ASCC1: variants seen among roughly 807,000 people sequenced by gnomAD.
The protein encoded by ASCC1 is ASC-1 complex subunit P50.
A neutral mutation model predicts 46.6 loss-of-function variants in ASCC1; 35 were observed. That is an observed-to-expected ratio of 0.75 (90% CI 0.57 to 0.99). The LOEUF is 0.99. Ranked by LOEUF, ASCC1 falls within the 50% of genes least tolerant of loss-of-function variation. The probability of loss-of-function intolerance (pLI) is 0.00; values close to 1 mark genes in which losing one functional copy is unlikely to be tolerated. For missense variants in ASCC1, 376 were observed against 428.7 expected, an observed-to-expected ratio of 0.88 and a Z score of 1.09; for synonymous variants, 143 against 146.6, an observed-to-expected ratio of 0.98 and a Z score of 0.18.
chr10:72,202,399 C>T (rs549908692), intron 4 of ASCC1, among the ~76,000 whole-genome samples: 2 of 151,076 alleles, frequency 1.3e-5, no homozygotes, highest in Non-Finnish European at 1.5e-5. Flanking sequence ...ACCTGGGTAG[C>T]GGAGATTGCA....
intron 7 of ASCC1, among the ~76,000 whole-genome samples, chr10:72,137,153 C>T (rs1030901650): frequency 3.3e-5 from 5 of 151,918 alleles, no homozygotes; most frequent in South Asian, 2.1e-4. Flanking sequence ...TGGCCTCAAG[C>T]GACCTTCCCT....
chr10:72,147,378 C>T (rs112500992), intron 7 of ASCC1, among the ~76,000 whole-genome samples: 6,366 of 151,958 alleles, frequency 0.042, 475 homozygotes, highest in African/African-American at 0.14. Flanking sequence ...CTCAGCCTCC[C>T]GAGCAGCTGC....
intron 2 of ASCC1, among the ~76,000 whole-genome samples, chr10:72,211,514 C>T (rs1455651456): frequency 1.3e-5 from 2 of 152,028 alleles, no homozygotes; most frequent in Non-Finnish European, 2.9e-5. Context: ...CATTTGAGCC[C>T]GGGAGGTGAG....
intron 7 of ASCC1, among the ~76,000 whole-genome samples, chr10:72,144,890 G>T (rs1847452825): frequency 6.6e-6 from 1 of 151,952 alleles, no homozygotes; most frequent in African/African-American, 2.4e-5. Context: ...TCTCATACTA[G>T]CCTCCTTATA....
chr10:72,206,048 G>A (rs1857160392), intron 3 of ASCC1, among the ~76,000 whole-genome samples: 1 of 149,918 alleles, frequency 6.7e-6, no homozygotes, highest in Non-Finnish European at 1.5e-5. Context: ...AGGTTGCAGT[G>A]AGCTGAGATT....
intron 1 of ASCC1, chr10:72,215,948 G>A (rs1363446215): frequency 2.6e-5 from 4 of 152,426 alleles, no homozygotes; most frequent in Admixed American, 2.0e-4. Context: ...CTACGCGAGC[G>A]CGTTCTCTGC....
chr10:72,102,294 C>G, intron 9 of ASCC1: 2 of 1,528,370 alleles, frequency 1.3e-6, no homozygotes, highest in Non-Finnish European at 1.8e-6. Flanking sequence ...GGGAAAACAA[C>G]AAGTTCAGGT....
intron 5 of ASCC1, among the ~76,000 whole-genome samples, chr10:72,181,168 G>A (rs896564090): frequency 9.9e-5 from 15 of 152,196 alleles, no homozygotes; most frequent in African/African-American, 3.4e-4. Context: ...GTTTTACCAC[G>A]TTGGCCAGGA....
chr10:72,203,057 G>C (rs1014016828), intron 4 of ASCC1, among the ~76,000 whole-genome samples: 1 of 152,018 alleles, frequency 6.6e-6, no homozygotes, highest in Non-Finnish European at 1.5e-5. Context: ...GAGGCCGAGA[G>C]GGGAGGATCA....
At chr10:72,120,982 A>G (rs1208444982) in intron 9 of ASCC1, among the ~76,000 whole-genome samples, 1 of 152,210 alleles carries the variant, frequency 6.6e-6, no homozygotes, top group Non-Finnish European at 1.5e-5. Flanking sequence ...AACAAATACA[A>G]AACAGTAACA....
chr10:72,181,693 AT>A lies in ASCC1; in HGVS notation c.489+15117del, dbSNP rs758997323. Among the ~76,000 whole-genome samples the A allele has an allele frequency of 1.1e-3, 163 of 149,644 alleles. 3 individuals carry two copies. Among genetic ancestry groups the A allele is most frequent in the African/African-American group, 3.2e-3 (130 of 40,826 alleles). On this transcript the variant is annotated intron_variant, in intron 5 of 9. Transcript: ENST00000672957. ...GTAACTTGTGCACCAATATCAAGTG[AT>A]TTTTTTTTTCTGAGATGGTCTCACT... is the stretch of plus-strand genomic sequence containing the variant.
At chr10:72,164,806 A>T (rs190906802) in intron 5 of ASCC1, among the ~76,000 whole-genome samples, 1 of 152,346 alleles carries the variant, frequency 6.6e-6, no homozygotes, top group African/African-American at 2.4e-5. Context: ...TTTTTAAAAA[A>T]ATGATAGCGA....
intron 8 of ASCC1, among the ~76,000 whole-genome samples, chr10:72,131,282 G>T (rs537371405): frequency 6.6e-6 from 1 of 152,100 alleles, no homozygotes; most frequent in Non-Finnish European, 1.5e-5. Flanking sequence ...AGCTGAGCGC[G>T]GTGGCAGGTG....
At chr10:72,217,073 G>A (rs1265711662), upstream of ASCC1, 3 of 453,928 alleles carry the variant, frequency 6.6e-6, no homozygotes, top group Non-Finnish European at 1.3e-5. Context: ...CGAAATGCTC[G>A]GGACTGGAAG....
intron 7 of ASCC1, among the ~76,000 whole-genome samples, chr10:72,149,657 T>A (rs1355413442): frequency 6.6e-6 from 1 of 152,156 alleles, no homozygotes; most frequent in Non-Finnish European, 1.5e-5. Context: ...TTGTTTCTGT[T>A]CACAAAGTTG....
At chr10:72,173,463 G>C (rs1400559619) in intron 5 of ASCC1, among the ~76,000 whole-genome samples, 1 of 152,090 alleles carries the variant, frequency 6.6e-6, no homozygotes, top group Admixed American at 6.6e-5. Context: ...GCAAGACAAG[G>C]TACAGACAGG....
rs1175994201 is a variant in ASCC1 at position 72,204,467 on chromosome 10, T to C, written c.213-943A>G. The C allele has an allele frequency of 1.9e-6, 3 of 1,550,386 alleles. No individual in the cohort carries two copies. The Admixed American group carries it at 5.9e-5, about 30-fold the overall frequency. On this transcript the variant is annotated intron_variant, in intron 3 of 9. Transcript: ENST00000672957. ...ATTCTGACAATCCAAAGTTATCTTCTGGAACCCACAGTCGTTTGATGTGTT... is the reference window on the plus strand; with the variant it reads ...ATTCTGACAATCCAAAGTTATCTTCCGGAACCCACAGTCGTTTGATGTGTT...
At chr10:72,196,279 CTTT>C (rs573100323) in intron 5 of ASCC1, among the ~76,000 whole-genome samples, 13 of 136,328 alleles carry the variant, frequency 9.5e-5, no homozygotes, top group Admixed American at 2.2e-4. Flanking sequence ...TGTCTTAAAT[CTTT>C]TTTTTTTTTT....
At chr10:72,210,140 G>A (rs972419747) in intron 3 of ASCC1, among the ~76,000 whole-genome samples, 1 of 150,414 alleles carries the variant, frequency 6.6e-6, no homozygotes, top group African/African-American at 2.5e-5. Flanking sequence ...AGAGTCATGA[G>A]CCAATGAAAC....
Sources: gnomAD v4.1 joint callset for allele counts (sites outside exome capture counted in the v4.1 genomes callset) on GRCh38, gnomAD v4.1.1 for gene constraint, MANE v1.5 for transcripts, NCBI Gene and HGNC (gene_info 2026-07-23, HGNC 2026-07-21) for gene names.